Variants in USP49 observed in about 807,000 individuals in gnomAD.
USP49 encodes ubiquitin specific peptidase 49, also known as ubiquitin carboxyl-terminal hydrolase 49.
USP49 carries 24 observed loss-of-function variants against 58.6 expected under a neutral mutation model. The observed-to-expected ratio is 0.41, with a 90% CI of 0.30 to 0.58. The LOEUF is 0.58. USP49 is among the 20% of genes least tolerant of loss of function. The pLI is 0.30. For synonymous variants in USP49, 408 were observed against 365.1 expected, an observed-to-expected ratio of 1.12 and a Z score of -1.34; for missense variants, 703 against 866.1, an observed-to-expected ratio of 0.81 and a Z score of 2.36.
chr6:41,853,614 T>C (rs921013349), intron 3 of USP49, among the ~76,000 whole-genome samples: 1 of 152,182 alleles, frequency 6.6e-6, no homozygotes, highest in African/African-American at 2.4e-5. Flanking sequence ...GAGTTTACAA[T>C]CTCATATAGA....
intron 3 of USP49, among the ~76,000 whole-genome samples, chr6:41,820,885 T>C (rs1170060503): frequency 1.3e-5 from 2 of 152,126 alleles, no homozygotes; most frequent in East Asian, 3.9e-4. Flanking sequence ...CCTGTAGTCC[T>C]AGCTACTCGG....
At chr6:41,867,309 A>G (rs983427342) in intron 3 of USP49, among the ~76,000 whole-genome samples, 1 of 152,172 alleles carries the variant, frequency 6.6e-6, no homozygotes, top group African/African-American at 2.4e-5. Flanking sequence ...TGTCACTCAA[A>G]TATTATTTAA....
At chr6:41,846,775 C>T (rs919320221) in intron 3 of USP49, among the ~76,000 whole-genome samples, 4 of 152,140 alleles carry the variant, frequency 2.6e-5, no homozygotes, top group Non-Finnish European at 5.9e-5. Flanking sequence ...GGAAACCCCC[C>T]CCATACTGGG....
rs1161658532 is a variant in USP49, at chr6:41,793,774, C to G, written c.*2759G>C. ...AGGCTAGATTGAGGTAAAAAAAAAT[C>G]CTTTTTGAGGGCCTAGGTGCACTCA... On this transcript the variant is annotated 3_prime_UTR_variant, in exon 8 of 8. Coordinates refer to ENST00000682992, the MANE Select transcript of USP49 (RefSeq NM_001286554.2). The G allele has an allele frequency of 6.6e-6, 1 of 152,144 alleles. No homozygotes were observed. Among genetic ancestry groups the G allele is most frequent in the Non-Finnish European group, 1.5e-5 (1 of 68,034 alleles). The allele number at this position is 152,144 out of a possible 1,614,324, so 9.4% of individuals were successfully genotyped here. A position where few individuals can be genotyped will look rare whatever the true frequency, so the allele number is the denominator to read the frequency against.
At position 41,806,400 on chromosome 6, in the gene USP49, C is replaced by A. The variant is rs537486952; in HGVS notation, c.584G>T (p.Arg195Leu). 12 of 1,559,248 alleles carry A rather than the reference C, an allele frequency of 7.7e-6. No homozygotes were observed. Among genetic ancestry groups the A allele is most frequent in the Non-Finnish European group, 1.0e-5 (12 of 1,161,448 alleles). Residue 195 changes from arginine to leucine, a missense_variant, in exon 4 of 8, where the codon CGG (arginine) becomes CTG (leucine). This residue lies in a region of USP49 where 376 missense variants were observed against 373.5 expected (regional missense o/e 1.01). Coordinates refer to ENST00000682992, the MANE Select transcript of USP49 (RefSeq NM_001286554.2). The surrounding 1 kb of genome is among the most constrained non-coding windows in gnomAD (Gnocchi z 5.9). ...GGTGCTGGCCAGCTCCTCCAGCAGC[C>A]GCCGTTTCACCTCGCGCCGCCGCCT... The part of the protein sequence containing the change: ...ARRRRREVKR[R>L]LLEELASTPP...
In USP49 at chr6:41,790,579, G is replaced by A. The variant is rs542028055; in HGVS notation, c.*5954C>T. Reference sequence around the variant, plus strand: ...TGGAACTAGTATGGGATTAAAGGACGTTAATTGGAAAGGAGGGTCAGTATA... The same window carrying A: ...TGGAACTAGTATGGGATTAAAGGACATTAATTGGAAAGGAGGGTCAGTATA... On this transcript the variant is annotated 3_prime_UTR_variant, in exon 8 of 8. Coordinates refer to ENST00000682992, the MANE Select transcript of USP49 (RefSeq NM_001286554.2). 1.4e-4 allele frequency: 21 copies of A among 152,230 alleles called. No individual in the cohort carries two copies. Among genetic ancestry groups the A allele is most frequent in the African/African-American group, 3.9e-4 (16 of 41,520 alleles). 9.4% of individuals were successfully genotyped at this position (152,230 alleles called of 1,614,324 possible).
intron 3 of USP49, among the ~76,000 whole-genome samples, chr6:41,860,352 T>C (rs1582026342): frequency 2.6e-5 from 4 of 151,974 alleles, no homozygotes; most frequent in Admixed American, 6.6e-5. Context: ...ATTGCAACAT[T>C]TGAACTTTAC....
At chr6:41,840,698 T>C (rs372172204) in intron 3 of USP49, among the ~76,000 whole-genome samples, 29 of 152,342 alleles carry the variant, frequency 1.9e-4, no homozygotes, top group African/African-American at 7.0e-4. Context: ...TTTCATTTTA[T>C]AACACTGTGG....
At chr6:41,842,842 CATAT>C (rs749010584) in intron 3 of USP49, among the ~76,000 whole-genome samples, 1 of 149,978 alleles carries the variant, frequency 6.7e-6, no homozygotes, top group Admixed American at 6.7e-5. Context: ...AGCTTATTCA[CATAT>C]ATAAATACTA....
chr6:41,828,271 C>T (rs1347131504), intron 3 of USP49, among the ~76,000 whole-genome samples: 2 of 151,896 alleles, frequency 1.3e-5, no homozygotes, highest in African/African-American at 2.4e-5. Context: ...GGGGAAACCC[C>T]ATCTCTACTA....
chr6:41,846,614 T>C (rs1039362786), intron 3 of USP49, among the ~76,000 whole-genome samples: 3 of 152,292 alleles, frequency 2.0e-5, no homozygotes, highest in African/African-American at 7.2e-5. Flanking sequence ...AGAATACCTT[T>C]GTGAGAGCTC....
chr6:41,842,616 A>AG (rs1230584115), intron 3 of USP49, among the ~76,000 whole-genome samples: 1 of 152,138 alleles, frequency 6.6e-6, no homozygotes, highest in Non-Finnish European at 1.5e-5. Flanking sequence ...ATGCCCTAAA[A>AG]GAAAAAAAAC....
At chr6:41,805,238 T>C (rs1017793538) in intron 4 of USP49, among the ~76,000 whole-genome samples, 6 of 152,120 alleles carry the variant, frequency 3.9e-5, no homozygotes, top group Non-Finnish European at 5.9e-5. Context: ...AGAAGGGAGA[T>C]TGCTCTTTCA....
At chr6:41,895,290 T>C (rs1392177668) in intron 1 of USP49, 34 bp downstream of exon 1, 1 of 18,158 alleles carries the variant, frequency 5.5e-5, no homozygotes, top group Non-Finnish European at 1.0e-4. Context: ...CCTCCCCACC[T>C]CCTCCGTCCC....
chr6:41,850,831 G>C (rs1182680835), intron 3 of USP49, among the ~76,000 whole-genome samples: 1 of 151,972 alleles, frequency 6.6e-6, no homozygotes, highest in African/African-American at 2.4e-5. Flanking sequence ...TCGATCTCTT[G>C]ACCTCCTGAT....
At chr6:41,826,767 C>T (rs1246690578) in intron 3 of USP49, among the ~76,000 whole-genome samples, 2 of 152,146 alleles carry the variant, frequency 1.3e-5, no homozygotes, top group Non-Finnish European at 2.9e-5. Context: ...GATACAACCT[C>T]ACAGAGCCAA....
In USP49 at chr6:41,809,916, C is replaced by T. The variant is rs578148182; in HGVS notation, c.-28-2905G>A. ...CCTGTAATCCCAGCATTTTGGGAGG[C>T]CGAGGAGGGCAGATCACGAGGTCAG... On this transcript the variant is annotated intron_variant, in intron 3 of 7. Coordinates refer to ENST00000682992, the MANE Select transcript of USP49 (RefSeq NM_001286554.2). Among the ~76,000 whole-genome samples the T allele has an allele frequency of 1.1e-4, 17 of 151,540 alleles. No homozygotes were observed. The East Asian group carries it at 3.3e-3, about 30-fold the overall frequency.
rs1774007068 is a variant in USP49, at chr6:41,850,461, A to AT, written c.-29+21102_-29+21103insA. ...CAGCCTCTAAGGAAAGAAAAAAAAA[A>AT]AAAATAAATAAATAAATAATATAAA... is the stretch of plus-strand genomic sequence containing the variant. On this transcript the variant is annotated intron_variant, in intron 3 of 7. Transcript: ENST00000682992. 3.3e-5 allele frequency among the ~76,000 whole-genome samples: 5 copies of AT among 151,182 alleles called. No homozygotes were observed. In the South Asian group the frequency reaches 6.3e-4, roughly 19 times the overall value.
chr6:41,828,833 T>G (rs1405765298), intron 3 of USP49, among the ~76,000 whole-genome samples: 1 of 152,230 alleles, frequency 6.6e-6, no homozygotes, highest in African/African-American at 2.4e-5. Context: ...AGTTTACACT[T>G]AGGTTGTCAA....
Sources: allele counts gnomAD v4.1 joint callset (sites outside exome capture counted in the v4.1 genomes callset), GRCh38; gene constraint gnomAD v4.1.1; regional missense constraint gnomAD v4.1.1; non-coding constraint Gnocchi (gnomAD v3.1); transcripts MANE v1.5; gene names NCBI Gene and HGNC (gene_info 2026-07-23, HGNC 2026-07-21).